NTRK3: variants seen among roughly 807,000 people sequenced by gnomAD.
NTRK3 encodes the protein NT-3 growth factor receptor.
Under a neutral mutation model 91.7 loss-of-function variants are expected in NTRK3, and 24 were observed. The observed-to-expected ratio is 0.26, with a 90% confidence interval of 0.19 to 0.37. NTRK3 has a LOEUF of 0.37. Among genes scored for constraint, NTRK3 ranks in the 10% least tolerant of loss-of-function variants. The pLI is 1.00. For missense variants in NTRK3, 880 were observed against 1,068.9 expected (o/e 0.82, Z 2.46); for synonymous variants, 483 against 404.0 (o/e 1.20, Z -2.34).
chr15:88,223,908 G>A (rs1567675846), intron 3 of NTRK3, among the ~76,000 whole-genome samples: 1 of 152,216 alleles, frequency 6.6e-6, no homozygotes, highest in East Asian at 1.9e-4. Context: ...CATGGGAGGT[G>A]TTATTAGGAG....
chr15:88,125,380 C>A (rs962844895), intron 13 of NTRK3, among the ~76,000 whole-genome samples: 3 of 152,146 alleles, frequency 2.0e-5, no homozygotes, highest in Non-Finnish European at 4.4e-5. Flanking sequence ...CATAGAAATT[C>A]ATCTCTCTAC....
chr15:87,889,904 T>C (rs2065761229), intron 17 of NTRK3, among the ~76,000 whole-genome samples: 1 of 152,054 alleles, frequency 6.6e-6, no homozygotes, highest in Admixed American at 6.6e-5. Flanking sequence ...TCTCCTATGG[T>C]CTTAATCTAT....
intron 14 of NTRK3, among the ~76,000 whole-genome samples, chr15:87,950,154 G>C (rs2070964420): frequency 6.6e-6 from 1 of 152,182 alleles, no homozygotes; most frequent in Non-Finnish European, 1.5e-5. Context: ...TGTGCTAAAG[G>C]CTGTCCCTTC....
chr15:88,154,883 A>T (rs2043744171), intron 5 of NTRK3, among the ~76,000 whole-genome samples: 1 of 152,184 alleles, frequency 6.6e-6, no homozygotes, highest in Non-Finnish European at 1.5e-5. Flanking sequence ...GTGTCTCTCA[A>T]ACTTACTGGA....
At chr15:88,125,537 T>G (rs2053196832) in intron 13 of NTRK3, among the ~76,000 whole-genome samples, 1 of 144,652 alleles carries the variant, frequency 6.9e-6, no homozygotes, top group African/African-American at 2.6e-5. Context: ...ATCTTGAAAT[T>G]CAAGTTTCTG....
At chr15:87,966,111 A>C (rs941276053) in intron 14 of NTRK3, among the ~76,000 whole-genome samples, 4 of 147,112 alleles carry the variant, frequency 2.7e-5, no homozygotes, top group African/African-American at 5.1e-5. Context: ...AACAAACAAA[A>C]AACTCCACTT....
intron 3 of NTRK3, among the ~76,000 whole-genome samples, chr15:88,228,386 T>C (rs936419600): frequency 1.3e-5 from 2 of 152,204 alleles, no homozygotes; most frequent in African/African-American, 4.8e-5. Context: ...TGGCTGGCTG[T>C]TATGGCTCAA....
chr15:88,139,442 G>C (rs1433408845), intron 6 of NTRK3, among the ~76,000 whole-genome samples: 1 of 152,078 alleles, frequency 6.6e-6, no homozygotes, highest in African/African-American at 2.4e-5. Flanking sequence ...CTCCAAAATA[G>C]TTAAGCATGC....
intron 13 of NTRK3, among the ~76,000 whole-genome samples, chr15:88,059,461 A>G (rs1472160637): frequency 6.6e-6 from 1 of 152,302 alleles, no homozygotes; most frequent in East Asian, 1.9e-4. Context: ...CACCTGAAAC[A>G]AAATGCACAT....
intron 13 of NTRK3, among the ~76,000 whole-genome samples, chr15:88,080,310 T>A (rs1452546019): frequency 1.3e-5 from 2 of 152,226 alleles, no homozygotes; most frequent in Non-Finnish European, 2.9e-5. Context: ...GGTAAAGTTG[T>A]ACCAATTTAA....
chr15:88,121,408 G>C (rs1276982270), intron 13 of NTRK3, among the ~76,000 whole-genome samples: 1 of 152,180 alleles, frequency 6.6e-6, no homozygotes, highest in Non-Finnish European at 1.5e-5. Flanking sequence ...TCACTTCCTT[G>C]TCTGGGCCTC....
rs147605882 is a variant in NTRK3, at chr15:88,223,189, G to A, written c.248+32717C>T. Among the ~76,000 whole-genome samples, 808 of 152,360 alleles carry A rather than the reference G, an allele frequency of 5.3e-3. 9 individuals are homozygous for A. Among genetic ancestry groups the A allele is most frequent in the African/African-American group, 0.016 (682 of 41,586 alleles). ...ACCCCCAGCACACGGCCCCCAGGGC[G>A]GACAGTGACTGCTTCCAAATCAGCC... On this transcript the variant is annotated intron_variant, in intron 3 of 18. Transcript: ENST00000394480.
chr15:88,060,707 G>A (rs917170174), intron 13 of NTRK3, among the ~76,000 whole-genome samples: 5 of 152,182 alleles, frequency 3.3e-5, no homozygotes, highest in African/African-American at 1.2e-4. Flanking sequence ...TCAGGCTGCT[G>A]TGTGCAGAAC....
intron 5 of NTRK3, among the ~76,000 whole-genome samples, chr15:88,163,605 TA>T (rs564362755): frequency 1.1e-4 from 16 of 152,224 alleles, no homozygotes; most frequent in Non-Finnish European, 2.4e-4. Flanking sequence ...CCTAGCAAGA[TA>T]CCTAGTACAG....
At chr15:87,896,883 A>G (rs1466012601) in intron 17 of NTRK3, among the ~76,000 whole-genome samples, 2 of 152,144 alleles carry the variant, frequency 1.3e-5, no homozygotes, top group Non-Finnish European at 2.9e-5. Context: ...AGGACAGACT[A>G]TTATCTAGCT....
At chr15:88,157,789 G>A (rs1251328187) in intron 5 of NTRK3, among the ~76,000 whole-genome samples, 1 of 152,090 alleles carries the variant, frequency 6.6e-6, no homozygotes, top group Non-Finnish European at 1.5e-5. Flanking sequence ...CCGGAGTCCT[G>A]GATTCTGACT....
intron 3 of NTRK3, among the ~76,000 whole-genome samples, chr15:88,199,337 C>A (rs1380842128): frequency 6.6e-6 from 1 of 152,186 alleles, no homozygotes; most frequent in East Asian, 1.9e-4. Context: ...CTTTGACAAG[C>A]CTATCTCCTC....
At chr15:88,107,063 G>A (rs1192331602) in intron 13 of NTRK3, among the ~76,000 whole-genome samples, 3 of 151,728 alleles carry the variant, frequency 2.0e-5, no homozygotes, top group Non-Finnish European at 4.4e-5. Flanking sequence ...GCTAACAGTG[G>A]TCATTTCTGA....
At chr15:88,245,911 G>C (rs1567711912) in intron 3 of NTRK3, among the ~76,000 whole-genome samples, 1 of 152,122 alleles carries the variant, frequency 6.6e-6, no homozygotes, top group Non-Finnish European at 1.5e-5. Context: ...CCAGTAGAAG[G>C]GATAATGTCA....
Sources: gnomAD v4.1 joint callset for allele counts (sites outside exome capture counted in the v4.1 genomes callset) on GRCh38, gnomAD v4.1.1 for gene constraint, MANE v1.5 for transcripts, NCBI Gene and HGNC (gene_info 2026-07-23, HGNC 2026-07-21) for gene names.